Variants in CELF5 observed in about 807,000 individuals in gnomAD.
The protein encoded by CELF5 is CUG-BP and ETR-3 like factor 5.
Under a neutral mutation model 54.9 loss-of-function variants are expected in CELF5, and 6 were observed. That is an observed-to-expected ratio of 0.11 (90% CI 0.06 to 0.22). CELF5 has a LOEUF of 0.22. Ranked by LOEUF, CELF5 falls within the 10% of genes least tolerant of loss-of-function variation. The pLI is 1.00. For missense variants in CELF5, 401 were observed against 678.6 expected (o/e 0.59, Z 4.54); for synonymous variants, 271 against 290.9 (o/e 0.93, Z 0.70).
intron 10 of CELF5, 119 bp from the exon 11 acceptor site, chr19:3,290,112 G>T: frequency 1.4e-6 from 1 of 718,586 alleles, no homozygotes; most frequent in Non-Finnish European, 2.4e-6. Context: ...GGGTGTCTGA[G>T]GCACCCCTCT....
intron 2 of CELF5, among the ~76,000 whole-genome samples, chr19:3,273,567 G>A (rs908229822): frequency 2.0e-5 from 3 of 152,180 alleles, no homozygotes; most frequent in Non-Finnish European, 2.9e-5. Flanking sequence ...CTTGATGGTA[G>A]GAACTGCAAA....
At position 3,277,871 on chromosome 19, in the gene CELF5, G is replaced by A. The variant is rs116502643; in HGVS notation, c.524-160G>A. 3.6e-3 allele frequency among the ~76,000 whole-genome samples: 552 copies of A among 152,250 alleles called. 3 individuals are homozygous for A. Among genetic ancestry groups the A allele is most frequent in the African/African-American group, 0.012 (510 of 41,532 alleles). ...GATCTGGCTGATTGTCCAGCTGTCC[G>A]TCTGAGCAAACGGCTGGCTGTCTTT... On this transcript the variant is annotated intron_variant, in intron 4 of 12. Coordinates refer to ENST00000292672, the MANE Select transcript of CELF5 (RefSeq NM_021938.4).
At chr19:3,287,142 G>T (rs370263959) in intron 10 of CELF5, among the ~76,000 whole-genome samples, 1 of 151,862 alleles carries the variant, frequency 6.6e-6, no homozygotes, top group South Asian at 2.1e-4. Flanking sequence ...GGAGCTGCAC[G>T]ATGGAACACT....
chr19:3,290,429 A>G, intron 11 of CELF5, 55 bp downstream of exon 11: 1 of 1,599,682 alleles, frequency 6.3e-7, no homozygotes, highest in Non-Finnish European at 8.6e-7. Context: ...CTGCCCCCTG[A>G]CAGGGAATGG....
chr19:3,239,258 C>T (rs2079457884), intron 1 of CELF5, among the ~76,000 whole-genome samples: 1 of 151,844 alleles, frequency 6.6e-6, no homozygotes, highest in Admixed American at 6.6e-5. Context: ...AACCACCACA[C>T]CCAGCTGTTT....
intron 2 of CELF5, among the ~76,000 whole-genome samples, chr19:3,263,716 C>T (rs1386125267): frequency 2.0e-5 from 3 of 151,826 alleles, no homozygotes; most frequent in South Asian, 4.2e-4. Flanking sequence ...ACCAGCCTGG[C>T]CAACATAGTG....
At chr19:3,273,947 A>G (rs1416163559) in intron 3 of CELF5, 24 bp downstream of exon 3, 1 of 1,609,984 alleles carries the variant, frequency 6.2e-7, no homozygotes, top group South Asian at 1.1e-5. Context: ...CGTGGCTGCC[A>G]GGCTGGGGGT....
intron 4 of CELF5, among the ~76,000 whole-genome samples, chr19:3,276,465 G>T (rs2080055113): frequency 6.6e-6 from 1 of 150,540 alleles, no homozygotes; most frequent in African/African-American, 2.4e-5. Flanking sequence ...GAGTTAGGAG[G>T]GACTGGCTCC....
intron 9 of CELF5, 28 bp downstream of exon 9, chr19:3,284,992 G>T: frequency 3.3e-6 from 5 of 1,508,290 alleles, no homozygotes; most frequent in Non-Finnish European, 4.6e-6. Flanking sequence ...TGCCCGCGCT[G>T]GGCCCTGGCC....
intron 12 of CELF5, chr19:3,294,056 C>A (rs371969868): frequency 7.2e-5 from 11 of 152,412 alleles, no homozygotes; most frequent in Admixed American, 7.2e-4. Context: ...CAAGCGGCCC[C>A]TCACTGGGTG....
chr19:3,293,019 A>G (rs1010714608), intron 11 of CELF5, among the ~76,000 whole-genome samples: 12 of 152,130 alleles, frequency 7.9e-5, no homozygotes, highest in African/African-American at 2.4e-4. Flanking sequence ...AAGGTGGGGA[A>G]AAGGTGGCCC....
At chr19:3,260,993 G>T (rs1478834456) in intron 2 of CELF5, among the ~76,000 whole-genome samples, 1 of 151,070 alleles carries the variant, frequency 6.6e-6, no homozygotes, top group Non-Finnish European at 1.5e-5. Flanking sequence ...TCAAATTCTG[G>T]GGCTCAAGCA....
chr19:3,267,919 G>A lies in CELF5; in HGVS notation c.343-5953G>A, dbSNP rs186773547. On this transcript the variant is annotated intron_variant, in intron 2 of 12. Transcript: ENST00000292672. ...GAGAATGGGCAAGGGGCCTTAAGAC[G>A]CCCAGTGTGACAGTTTCACCTCCCC... Among the ~76,000 whole-genome samples the A allele has an allele frequency of 1.4e-4, 22 of 152,206 alleles. No homozygotes were observed. In the East Asian group the frequency reaches 2.7e-3, roughly 19 times the overall value.
At chr19:3,226,077 G>T (rs1006013280) in intron 1 of CELF5, among the ~76,000 whole-genome samples, 4 of 151,682 alleles carry the variant, frequency 2.6e-5, no homozygotes, top group Non-Finnish European at 5.9e-5. Context: ...TTCCGGTCAG[G>T]TGTTGGGGAC....
At chr19:3,286,387 G>C in intron 10 of CELF5, 1 of 247,720 alleles carries the variant, frequency 4.0e-6, no homozygotes, top group Non-Finnish European at 7.7e-6. Flanking sequence ...GTAAAGCCAA[G>C]GCTGTCGAAG....
Position 3,296,937 on chromosome 19 carries a change from G to A in CELF5, c.*220G>A, listed in dbSNP as rs1057183803. On this transcript the variant is annotated 3_prime_UTR_variant, in exon 13 of 13. Coordinates refer to ENST00000292672, the MANE Select transcript of CELF5 (RefSeq NM_021938.4). The stretch of plus-strand genomic sequence containing the variant: ...AAAGAAGATTTCCCGCGGCTGAAGA[G>A]GTTGGTGTTCCTGTTACGTGTTTCA... 1 of 145,964 alleles carries A rather than the reference G, an allele frequency of 6.9e-6. No individual in the cohort carries two copies. Among genetic ancestry groups the A allele is most frequent in the Admixed American group, 6.9e-5 (1 of 14,478 alleles). The allele number at this position is 145,964 out of a possible 1,614,324, so 9.0% of individuals were successfully genotyped here.
At position 3,224,990 on chromosome 19, in the gene CELF5, T is replaced by G; in HGVS notation, c.251T>G (p.Met84Arg). The G allele has an allele frequency of 6.3e-7, 1 of 1,577,040 alleles. No individual in the cohort carries two copies. The highest frequency in any genetic ancestry group is 8.6e-7 in the Non-Finnish European group (1 of 1,160,750). ...GTGCTCAAAGACCCCTACACGGGGA[T>G]GCACAAAGGTGGGCGCCCGGCCCCC... ...LTVLKDPYTG[M>R]HKGCAFLTYC... The change falls in exon 1 of 13, where the codon ATG becomes AGG. Residue 84 changes from methionine (M) to arginine (R), a missense_variant. Around this residue, in one of 6 missense-constraint regions of CELF5, gnomAD observed 66 missense variants for 132.3 expected, o/e 0.50. Transcript: ENST00000292672.
At chr19:3,295,532 G>A (rs1007397647) in intron 12 of CELF5, 4 of 151,856 alleles carry the variant, frequency 2.6e-5, no homozygotes, top group Non-Finnish European at 5.9e-5. Context: ...CACATACCAG[G>A]TGCCCCACCC....
chr19:3,231,444 G>A (rs1009856297), intron 1 of CELF5, among the ~76,000 whole-genome samples: 2 of 146,318 alleles, frequency 1.4e-5, no homozygotes, highest in East Asian at 4.2e-4. Context: ...ATGGATGGGT[G>A]AACGGATGGA....
Sources: gnomAD v4.1 joint callset for allele counts (sites outside exome capture counted in the v4.1 genomes callset) on GRCh38, gnomAD v4.1.1 for gene constraint, gnomAD v4.1.1 regional missense constraint, MANE v1.5 for transcripts, NCBI Gene and HGNC (gene_info 2026-07-23, HGNC 2026-07-21) for gene names.